RCBTB1: variants seen among roughly 807,000 people sequenced by gnomAD.
RCBTB1 encodes RCC1 and BTB domain containing protein 1.
A neutral mutation model predicts 62.4 loss-of-function variants in RCBTB1; 46 were observed. The ratio of observed to expected loss-of-function variants is 0.74; its 90% confidence interval spans 0.58 to 0.94. The LOEUF (loss-of-function observed/expected upper bound fraction) is 0.94, where lower values mean the gene tolerates loss of function less well. RCBTB1 is among the 40% of genes least tolerant of loss of function. The pLI, the probability that RCBTB1 is intolerant of heterozygous loss-of-function variation, is 0.00. For missense variants in RCBTB1, 565 were observed against 654.9 expected (o/e 0.86, Z 1.50); for synonymous variants, 222 against 245.8 (o/e 0.90, Z 0.91).
intron 4 of RCBTB1, among the ~76,000 whole-genome samples, chr13:49,561,169 T>A (rs748434517): frequency 1.3e-5 from 2 of 152,116 alleles, no homozygotes; most frequent in African/African-American, 2.4e-5. Context: ...TAATAAAACA[T>A]CCTGACCTAT....
At chr13:49,535,013 G>A (rs989970021) in intron 12 of RCBTB1, among the ~76,000 whole-genome samples, 1 of 152,070 alleles carries the variant, frequency 6.6e-6, no homozygotes, top group Admixed American at 6.5e-5. Flanking sequence ...TAGCCTGGGT[G>A]ACAGAGCAGA....
In RCBTB1 at chr13:49,561,929, T is replaced by TA. The variant is rs58254547; in HGVS notation, c.278-1846dup. 4.5e-3 allele frequency among the ~76,000 whole-genome samples: 602 copies of TA among 134,754 alleles called. 22 individuals are homozygous for TA. The East Asian group carries it at 0.083, about 19-fold the overall frequency. The allele number at this position is 134,754 out of a possible 152,430, so 88.4% of individuals were successfully genotyped here. ...CAACACAGTGAAACCCCACATCTAC[T>TA]AAAAAAAAAAAAAAAATACAAAAAT... On this transcript the variant is annotated intron_variant, in intron 4 of 12. Coordinates refer to ENST00000378302, the MANE Select transcript of RCBTB1 (RefSeq NM_018191.4).
At chr13:49,554,031 A>G (rs988275131) in intron 6 of RCBTB1, among the ~76,000 whole-genome samples, 4 of 152,224 alleles carry the variant, frequency 2.6e-5, no homozygotes, top group African/African-American at 7.2e-5. Flanking sequence ...CACAGAAGCC[A>G]AAGTCAGCAG....
At chr13:49,547,082 G>T in intron 9 of RCBTB1, 5 of 1,280,202 alleles carry the variant, frequency 3.9e-6, no homozygotes, top group South Asian at 1.2e-5. Context: ...GATGTGTACA[G>T]AAGTGCTTCA....
At position 49,567,339 on chromosome 13, in the gene RCBTB1, T is replaced by C; in HGVS notation, c.-41-19A>G. 6.4e-7 allele frequency: 1 copy of C among 1,568,158 alleles called. No homozygotes were observed. The highest frequency in any genetic ancestry group is 1.2e-5 in the South Asian group (1 of 85,460). The stretch of plus-strand genomic sequence containing the variant: ...GACATCTCTGCTGGAACAGAAAGGA[T>C]TCCAGAAAAAAATTAAATAGTCACT... On this transcript the variant is annotated intron_variant, in intron 2 of 12. Transcript: ENST00000378302.
At chr13:49,577,140 T>A (rs1963838009) in intron 2 of RCBTB1, among the ~76,000 whole-genome samples, 2 of 152,220 alleles carry the variant, frequency 1.3e-5, no homozygotes, top group African/African-American at 4.8e-5. Flanking sequence ...TACTTTATAC[T>A]CTGAAAGCAA....
At position 49,566,769 on chromosome 13, in the gene RCBTB1, C is replaced by T. The variant is rs1049078855; in HGVS notation, c.127-1G>A. The T allele has an allele frequency of 1.3e-6, 2 of 1,596,876 alleles. No homozygotes were observed. The highest frequency in any genetic ancestry group is 1.8e-5 in the Admixed American group (1 of 56,080). ...TATAGTTCAGTCCAAATACAAAGAC[C>T]TAGAAAATAGATAGTTTTTTTTCTG... is the stretch of plus-strand genomic sequence containing the variant. On this transcript the variant is annotated splice_acceptor_variant, in intron 3 of 12. Transcript: ENST00000378302. LOFTEE classifies it high-confidence loss of function.
rs142774117 is a variant in RCBTB1 at position 49,546,278 on chromosome 13, G to A, written c.1046-1415C>T. ...GAGAAGAAATCCTCCTCAAAGGGGTGAATTCACCATGTGACTTTCCGTCTA... is the reference window on the plus strand; with the variant it reads ...GAGAAGAAATCCTCCTCAAAGGGGTAAATTCACCATGTGACTTTCCGTCTA... On this transcript the variant is annotated intron_variant, in intron 9 of 12. Transcript: ENST00000378302. The A allele has an allele frequency of 3.3e-4, 324 of 985,238 alleles. 2 individuals carry two copies. The African/African-American group carries it at 5.2e-3, about 16-fold the overall frequency. 61.0% of individuals were successfully genotyped at this position (985,238 alleles called of 1,614,324 possible). A position where few individuals can be genotyped will look rare whatever the true frequency, so the allele number is the denominator to read the frequency against.
intron 1 of RCBTB1, among the ~76,000 whole-genome samples, chr13:49,581,035 C>T (rs898594881): frequency 2.6e-5 from 4 of 152,122 alleles, no homozygotes; most frequent in Non-Finnish European, 4.4e-5. Flanking sequence ...CCAGGTAAGG[C>T]TCTGGTGGAG....
rs758985746 is a variant in RCBTB1, at chr13:49,541,796, A to G, written c.1204T>C (p.Tyr402His). The G allele has an allele frequency of 6.2e-7, 1 of 1,613,884 alleles. No individual in the cohort carries two copies. Among genetic ancestry groups the G allele is most frequent in the South Asian group, 1.1e-5 (1 of 91,040 alleles). Residue 402 changes from tyrosine (Y) to histidine (H), a missense_variant, in exon 11 of 13, where the codon TAT becomes CAT. Physicochemically the swap from Tyr to His is moderately conservative, Grantham distance 83 (BLOSUM62 2). Transcript: ENST00000378302. ...CEHFRSMFQSYWNEDMKEVIE... is the reference protein window; with the variant it reads ...CEHFRSMFQSHWNEDMKEVIE... ...ACTTCCTTCATGTCTTCATTCCAAT[A>G]CGACTGGAACATGGATCGAAAATGC...
intron 2 of RCBTB1, among the ~76,000 whole-genome samples, chr13:49,572,780 AGAGT>A (rs1963495764): frequency 1.3e-5 from 2 of 152,198 alleles, no homozygotes; most frequent in South Asian, 4.1e-4. Context: ...CTGAGTGATA[AGAGT>A]GAGACTCTGT....
At chr13:49,545,447 A>C (rs1246840452) in intron 9 of RCBTB1, among the ~76,000 whole-genome samples, 2 of 152,194 alleles carry the variant, frequency 1.3e-5, no homozygotes, top group Non-Finnish European at 2.9e-5. Flanking sequence ...CTAAACACAG[A>C]GCAAATTCAC....
intron 2 of RCBTB1, among the ~76,000 whole-genome samples, chr13:49,574,950 G>A (rs1963673309): frequency 6.6e-6 from 1 of 152,198 alleles, no homozygotes; most frequent in Non-Finnish European, 1.5e-5. Context: ...GATGAACCCT[G>A]AAGACATTAT....
chr13:49,543,201 T>C (rs960128660), intron 10 of RCBTB1, among the ~76,000 whole-genome samples: 42 of 152,066 alleles, frequency 2.8e-4, no homozygotes, highest in African/African-American at 8.9e-4. Flanking sequence ...GAGGTGGAGG[T>C]TGCAGTGAGC....
At chr13:49,572,314 G>A (rs539366991) in intron 2 of RCBTB1, among the ~76,000 whole-genome samples, 11 of 149,246 alleles carry the variant, frequency 7.4e-5, no homozygotes, top group South Asian at 4.3e-4. Flanking sequence ...GCGACAGAGC[G>A]AGACTCTGTC....
At chr13:49,536,892 C>A (rs967815826) in intron 12 of RCBTB1, among the ~76,000 whole-genome samples, 41 of 152,216 alleles carry the variant, frequency 2.7e-4, no homozygotes, top group African/African-American at 7.5e-4. Context: ...TAAATCATTC[C>A]AAATCTTTCA....
intron 12 of RCBTB1, among the ~76,000 whole-genome samples, chr13:49,536,542 G>A (rs1056896823): frequency 6.6e-6 from 1 of 152,208 alleles, no homozygotes; most frequent in Non-Finnish European, 1.5e-5. Context: ...GTCCAAGTGA[G>A]AAGTCAACTA....
At chr13:49,577,651 G>A (rs1292180807) in intron 2 of RCBTB1, among the ~76,000 whole-genome samples, 2 of 152,150 alleles carry the variant, frequency 1.3e-5, no homozygotes, top group Non-Finnish European at 2.9e-5. Flanking sequence ...CAGCATTGGC[G>A]AGCACCAAGA....
intron 4 of RCBTB1, among the ~76,000 whole-genome samples, chr13:49,564,563 G>A (rs1392085051): frequency 9.5e-6 from 1 of 105,794 alleles, no homozygotes; most frequent in Non-Finnish European, 1.8e-5. Context: ...CCAGCCTGGA[G>A]ACAGAGCGAG....
Sources: gnomAD v4.1 joint callset for allele counts (sites outside exome capture counted in the v4.1 genomes callset) on GRCh38, gnomAD v4.1.1 for gene constraint, MANE v1.5 for transcripts, NCBI Gene and HGNC (gene_info 2026-07-23, HGNC 2026-07-21) for gene names.